The following DLG2 variants were observed in gnomAD, a reference collection of about 807,000 sequenced individuals.
DLG2 encodes the protein disks large homolog 2.
Under a neutral mutation model 132.5 loss-of-function variants are expected in DLG2, and 45 were observed. The ratio of observed to expected loss-of-function variants is 0.34; its 90% CI spans 0.27 to 0.44. DLG2 has a LOEUF of 0.44. DLG2 is among the 20% of genes least tolerant of loss of function. DLG2 has a pLI of 1.00. For missense variants in DLG2, 1,045 were observed against 1,196.9 expected, an observed-to-expected ratio of 0.87 and a Z score of 1.87; for synonymous variants, 424 against 419.6, an observed-to-expected ratio of 1.01 and a Z score of -0.13.
intron 19 of DLG2, chr11:83,631,043 G>A (rs1396434176): frequency 6.6e-6 from 1 of 151,960 alleles, no homozygotes; most frequent in Non-Finnish European, 1.5e-5. Flanking sequence ...TCCTATACAA[G>A]CACTCTAGAC....
chr11:85,197,125 T>G (rs1352327684), intron 4 of DLG2, among the ~76,000 whole-genome samples: 1 of 152,234 alleles, frequency 6.6e-6, no homozygotes, highest in Admixed American at 6.5e-5. Context: ...ACAAGATTGC[T>G]AGGCCTCTAT....
At chr11:83,976,623 G>T (rs1457656891) in intron 12 of DLG2, among the ~76,000 whole-genome samples, 1 of 151,784 alleles carries the variant, frequency 6.6e-6, no homozygotes, top group Non-Finnish European at 1.5e-5. Flanking sequence ...CCTTTTCAGG[G>T]TTATTTTGCT....
At chr11:84,440,655 T>C (rs2099014519) in intron 7 of DLG2, among the ~76,000 whole-genome samples, 1 of 152,222 alleles carries the variant, frequency 6.6e-6, no homozygotes, top group Non-Finnish European at 1.5e-5. Flanking sequence ...AATCAGTACC[T>C]GGACAGACCT....
intron 6 of DLG2, among the ~76,000 whole-genome samples, chr11:84,817,596 C>T (rs911905940): frequency 6.6e-6 from 1 of 151,980 alleles, no homozygotes; most frequent in Admixed American, 6.6e-5. Flanking sequence ...ATTACTCCAG[C>T]CACCTGCAGC....
intron 14 of DLG2, among the ~76,000 whole-genome samples, chr11:83,945,210 A>G (rs77614439): frequency 0.018 from 2,724 of 152,298 alleles, 89 homozygotes; most frequent in African/African-American, 0.062. Flanking sequence ...CGGGAGGCAG[A>G]GATTGTAGTG....
chr11:85,553,248 T>A (rs1399465330), intron 3 of DLG2, among the ~76,000 whole-genome samples: 1 of 151,628 alleles, frequency 6.6e-6, no homozygotes, highest in African/African-American at 2.4e-5. Flanking sequence ...AATTCTAAAT[T>A]CACTTTTTTC....
chr11:84,895,927 A>T (rs945484321), intron 6 of DLG2, among the ~76,000 whole-genome samples: 2 of 152,140 alleles, frequency 1.3e-5, no homozygotes, highest in African/African-American at 4.8e-5. Context: ...CCTACCACTT[A>T]GCAGACTTGC....
chr11:84,721,142 C>T (rs55798926), intron 6 of DLG2, among the ~76,000 whole-genome samples: 54,496 of 151,890 alleles, frequency 0.36, 10,658 homozygotes, highest in African/African-American at 0.53. Flanking sequence ...GCCGACTTCC[C>T]GGGAAGGGGA....
chr11:84,646,099 G>A (rs2099674567), intron 6 of DLG2, among the ~76,000 whole-genome samples: 1 of 152,148 alleles, frequency 6.6e-6, no homozygotes, highest in African/African-American at 2.4e-5. Flanking sequence ...AAAAAGCAAA[G>A]CTGTGGGCTC....
At chr11:84,307,255 T>G (rs1459971707) in intron 7 of DLG2, among the ~76,000 whole-genome samples, 2 of 151,876 alleles carry the variant, frequency 1.3e-5, no homozygotes, top group Admixed American at 1.3e-4. Flanking sequence ...GAACAGAAAA[T>G]GAAATATCGC....
At chr11:84,828,352 A>G (rs1351849843) in intron 6 of DLG2, among the ~76,000 whole-genome samples, 1 of 151,888 alleles carries the variant, frequency 6.6e-6, no homozygotes, top group Non-Finnish European at 1.5e-5. Flanking sequence ...GGATGGAGGA[A>G]GATACTCAAG....
rs1324867480 is a variant in DLG2, at chr11:84,415,044, G to A, written c.519+119526C>T. ...ACACTTCCTGAATTCCTCTAGCAAG[G>A]TCTGGCAGCCAAATTTCAATATGCA... On this transcript the variant is annotated intron_variant, in intron 7 of 27. Transcript: ENST00000376104. Among the ~76,000 whole-genome samples, 4 of 152,050 alleles carry A rather than the reference G, an allele frequency of 2.6e-5. No homozygotes were observed. The East Asian group carries it at 5.8e-4, about 22-fold the overall frequency.
intron 3 of DLG2, among the ~76,000 whole-genome samples, chr11:85,547,191 G>A (rs192097950): frequency 8.3e-4 from 126 of 152,252 alleles, no homozygotes; most frequent in African/African-American, 2.9e-3. Flanking sequence ...CAGGCCTGGT[G>A]GTGACAAAAT....
chr11:84,126,168 G>T (rs190057964), intron 9 of DLG2, among the ~76,000 whole-genome samples: 1 of 152,158 alleles, frequency 6.6e-6, no homozygotes, highest in Non-Finnish European at 1.5e-5. Flanking sequence ...GGAGTGAGAC[G>T]ATGATGAAGA....
intron 6 of DLG2, among the ~76,000 whole-genome samples, chr11:85,058,508 A>G (rs534093553): frequency 6.6e-6 from 1 of 151,530 alleles, no homozygotes; most frequent in Admixed American, 6.6e-5. Context: ...CCAAAATCGC[A>G]TAAAGGACAT....
chr11:83,903,408 T>C (rs1057142567), intron 15 of DLG2, among the ~76,000 whole-genome samples: 6 of 152,160 alleles, frequency 3.9e-5, no homozygotes, highest in Non-Finnish European at 7.4e-5. Flanking sequence ...ATTCTGTTAC[T>C]CCTGACCTTC....
intron 3 of DLG2, among the ~76,000 whole-genome samples, chr11:85,563,336 C>G (rs2077355172): frequency 6.6e-6 from 1 of 151,590 alleles, no homozygotes; most frequent in African/African-American, 2.4e-5. Flanking sequence ...TTCCATAACT[C>G]CAAGAGTTGC....
intron 7 of DLG2, among the ~76,000 whole-genome samples, chr11:84,483,430 C>CAAAAAAAAAA (rs56086759): frequency 2.2e-5 from 2 of 90,150 alleles, no homozygotes; most frequent in Non-Finnish European, 2.2e-5. Flanking sequence ...GACTCCGCCT[C>CAAAAAAAAAA]AAAAAAAAAA....
Position 83,851,266 on chromosome 11 carries a change from T to C in DLG2, c.1566-17496A>G, listed in dbSNP as rs190048524. Among the ~76,000 whole-genome samples, 17 of 152,112 alleles carry C rather than the reference T, an allele frequency of 1.1e-4. 1 individual carries two copies. In the East Asian group the frequency reaches 3.3e-3, roughly 29 times the overall value. On this transcript the variant is annotated intron_variant, in intron 16 of 27. Coordinates refer to ENST00000376104, the MANE Select transcript of DLG2 (RefSeq NM_001142699.3). The stretch of plus-strand genomic sequence containing the variant: ...GGAAAGGATTGTGGCAGATGTTAGA[T>C]GTTAAGAAGAGGTCACAGTGGAGTA...
Sources: gnomAD v4.1 joint callset for allele counts (sites outside exome capture counted in the v4.1 genomes callset) on GRCh38, gnomAD v4.1.1 for gene constraint, MANE v1.5 for transcripts, NCBI Gene and HGNC (gene_info 2026-07-23, HGNC 2026-07-21) for gene names.